CTNND1: variants seen among roughly 807,000 people sequenced by gnomAD.
The protein encoded by CTNND1 is catenin delta-1.
Under a neutral mutation model 112.1 loss-of-function variants are expected in CTNND1, and 16 were observed. That is an observed-to-expected ratio of 0.14 (90% CI 0.10 to 0.22). The LOEUF (loss-of-function observed/expected upper bound fraction) is 0.22, where lower values mean the gene tolerates loss of function less well. Among genes scored for constraint, CTNND1 ranks in the 10% least tolerant of loss-of-function variants. The probability of loss-of-function intolerance (pLI) is 1.00; values close to 1 mark genes in which losing one functional copy is unlikely to be tolerated. For synonymous variants in CTNND1, 420 were observed against 446.5 expected, an observed-to-expected ratio of 0.94 and a Z score of 0.75; for missense variants, 1,008 against 1,257.0, an observed-to-expected ratio of 0.80 and a Z score of 3.00.
intron 1 of CTNND1, among the ~76,000 whole-genome samples, chr11:57,773,273 A>G (rs373769410): frequency 1.3e-5 from 2 of 151,666 alleles, no homozygotes; most frequent in Non-Finnish European, 2.9e-5. Flanking sequence ...TGATCCTCCC[A>G]TCTCAGCCTC....
Position 57,816,358 on chromosome 11 carries a change from TG to T in CTNND1, c.*52del. The T allele has an allele frequency of 6.2e-7, 1 of 1,608,690 alleles. No homozygotes were observed. Among genetic ancestry groups the T allele is most frequent in the Non-Finnish European group, 8.5e-7 (1 of 1,175,662 alleles). On this transcript the variant is annotated 3_prime_UTR_variant, in exon 21 of 21. Coordinates refer to ENST00000399050, the MANE Select transcript of CTNND1 (RefSeq NM_001085458.2). ...GCTTATATGTACTTTTATTTTTTGGTGGTGAAATTGACTGATGATTTTCCTT... is the reference window on the plus strand; with the variant it reads ...GCTTATATGTACTTTTATTTTTTGGTGTGAAATTGACTGATGATTTTCCTT...
chr11:57,761,890 G>A lies in CTNND1; in HGVS notation c.-443G>A, dbSNP rs1565257642. 1 of 985,276 alleles carries A rather than the reference G, an allele frequency of 1.0e-6. No individual in the cohort carries two copies. Among genetic ancestry groups the A allele is most frequent in the Non-Finnish European group, 1.2e-6 (1 of 829,952 alleles). The allele number at this position is 985,276 out of a possible 1,614,324, so 61.0% of individuals were successfully genotyped here. ...TTGGATCTGAGGGGGAAAAAAAAGA[G>A]AGAGGGAGAGAGAGAGAAAGAAGAG... is the stretch of plus-strand genomic sequence containing the variant. On this transcript the variant is annotated 5_prime_UTR_variant, in exon 1 of 21. Transcript: ENST00000399050.
chr11:57,794,143 A>G (rs2061080440), intron 4 of CTNND1, 62 bp downstream of exon 4: 1 of 1,460,796 alleles, frequency 6.8e-7, no homozygotes, highest in Non-Finnish European at 9.6e-7. Flanking sequence ...CCCAGCCTAT[A>G]AGAGCATATT....
rs2060752003 is a variant in CTNND1, at chr11:57,791,591, C to T, written c.113C>T (p.Ser38Leu). The change falls in exon 3 of 21, where the codon TCG becomes TTG. Residue 38 changes from serine to leucine, a missense_variant. Coordinates refer to ENST00000399050, the MANE Select transcript of CTNND1 (RefSeq NM_001085458.2). The stretch of plus-strand genomic sequence containing the variant: ...CTGGAGGAGGAACGGCGCCACGTCT[C>T]GGCGCAGCTGGAACGCGTCCGGGTC... Reference protein sequence around the residue: ...RALEEERRHVSAQLERVRVSP... With the variant: ...RALEEERRHVLAQLERVRVSP... 5 of 1,611,438 alleles carry T rather than the reference C, an allele frequency of 3.1e-6. No individual in the cohort carries two copies. Among genetic ancestry groups the T allele is most frequent in the Non-Finnish European group, 3.4e-6 (4 of 1,178,912 alleles).
Position 57,801,925 on chromosome 11 carries a change from G to A in CTNND1, c.1149G>A (p.Lys383=). ...AMLGFRLDAV[K]SNAAAYLQHL... ...TTGGATTCCGCTTGGATGCTGTCAA[G>A]TCCAATGCAGCTGCATACCTGCAAC... The change falls in exon 7 of 21, where the codon AAG becomes AAA. Residue 383 remains lysine (K), a synonymous_variant. Coordinates refer to ENST00000399050, the MANE Select transcript of CTNND1 (RefSeq NM_001085458.2). 9.9e-6 allele frequency: 16 copies of A among 1,614,042 alleles called. No homozygotes were observed. The highest frequency in any genetic ancestry group is 1.4e-5 in the Non-Finnish European group (16 of 1,179,904).
At chr11:57,797,133 T>A in intron 6 of CTNND1, 141 bp downstream of exon 6, 1 of 550,692 alleles carries the variant, frequency 1.8e-6, no homozygotes, top group Non-Finnish European at 2.8e-6. Flanking sequence ...GGTGAAAAGC[T>A]ACCCTGTTTT....
intron 6 of CTNND1, among the ~76,000 whole-genome samples, chr11:57,798,751 GA>G (rs1208002888): frequency 6.6e-6 from 1 of 152,222 alleles, no homozygotes; most frequent in Non-Finnish European, 1.5e-5. Flanking sequence ...ACAGACCCCT[GA>G]AAATGACCAC....
intron 9 of CTNND1, 63 bp downstream of exon 9, chr11:57,804,843 G>A: frequency 1.7e-6 from 2 of 1,178,696 alleles, no homozygotes; most frequent in Non-Finnish European, 1.3e-6. Context: ...TGAAGTATCT[G>A]TAGGTCAGAG....
intron 1 of CTNND1, among the ~76,000 whole-genome samples, chr11:57,780,502 A>G (rs917045901): frequency 6.6e-6 from 1 of 152,236 alleles, no homozygotes; most frequent in African/African-American, 2.4e-5. Flanking sequence ...TACTTCTGGT[A>G]TATAGGTAGT....
At chr11:57,779,587 T>C (rs2059362199) in intron 1 of CTNND1, among the ~76,000 whole-genome samples, 1 of 152,236 alleles carries the variant, frequency 6.6e-6, no homozygotes, top group African/African-American at 2.4e-5. Context: ...GAACAATCCT[T>C]CTTCTCTGTT....
chr11:57,783,159 G>A (rs946375836), intron 1 of CTNND1, among the ~76,000 whole-genome samples: 3 of 152,278 alleles, frequency 2.0e-5, no homozygotes, highest in Non-Finnish European at 4.4e-5. Context: ...AGTGGCACAT[G>A]CCTATAGTCC....
intron 1 of CTNND1, among the ~76,000 whole-genome samples, chr11:57,765,005 A>G (rs1327006747): frequency 1.3e-5 from 2 of 152,222 alleles, no homozygotes; most frequent in Admixed American, 1.3e-4. Flanking sequence ...TAATCTTTAG[A>G]ACGAGAATCT....
At chr11:57,797,028 C>T (rs1486636289) in intron 6 of CTNND1, 36 bp downstream of exon 6, 2 of 1,414,646 alleles carry the variant, frequency 1.4e-6, no homozygotes, top group Non-Finnish European at 1.9e-6. Flanking sequence ...AGGGTCTTTC[C>T]AAGACCAGGG....
chr11:57,806,807 G>A, intron 11 of CTNND1, 108 bp from the exon 12 acceptor site: 1 of 922,434 alleles, frequency 1.1e-6, no homozygotes, highest in East Asian at 2.6e-5. Flanking sequence ...CCCTCGTGGT[G>A]CATCTGTGAT....
chr11:57,808,157 T>C lies in CTNND1; in HGVS notation c.1964-8T>C. 6.2e-7 allele frequency: 1 copy of C among 1,604,754 alleles called. No individual in the cohort carries two copies. Among genetic ancestry groups the C allele is most frequent in the Non-Finnish European group, 8.5e-7 (1 of 1,172,554 alleles). ...AGCACCCTCTGCTTCTATTTCTCTT[T>C]TGTGCAGGCTATGAGCTCTTATTTC... On this transcript the variant is annotated splice_region_variant and splice_polypyrimidine_tract_variant and intron_variant, in intron 12 of 20. Coordinates refer to ENST00000399050, the MANE Select transcript of CTNND1 (RefSeq NM_001085458.2).
rs536782823 is a variant in CTNND1, at chr11:57,789,280, T to A, written c.-95+125T>A. The A allele has an allele frequency of 4.9e-5, 30 of 616,970 alleles. No homozygotes were observed. The South Asian group carries it at 7.6e-4, about 16-fold the overall frequency. The allele number at this position is 616,970 out of a possible 1,614,324, so 38.2% of individuals were successfully genotyped here. ...AATACCTTTTTTCTTTATGGGTTGG[T>A]GAGAGGGTGGGAATTGGGGAGAATA... On this transcript the variant is annotated intron_variant, in intron 2 of 20. Transcript: ENST00000399050.
intron 1 of CTNND1, among the ~76,000 whole-genome samples, chr11:57,786,897 A>G (rs985877934): frequency 3.9e-5 from 6 of 152,202 alleles, no homozygotes; most frequent in Non-Finnish European, 7.3e-5. Flanking sequence ...CAAAGGTTGT[A>G]GAGGAGAGGC....
chr11:57,780,044 G>A (rs2059403800), intron 1 of CTNND1, among the ~76,000 whole-genome samples: 1 of 138,470 alleles, frequency 7.2e-6, no homozygotes, highest in African/African-American at 2.6e-5. Flanking sequence ...TTCTTAATTG[G>A]AACTAGAATG....
chr11:57,797,094 G>A, intron 6 of CTNND1, 102 bp downstream of exon 6: 2 of 1,039,148 alleles, frequency 1.9e-6, no homozygotes, highest in Non-Finnish European at 2.5e-6. Context: ...AGAGATACTC[G>A]TGGCCTCCTC....
Sources: gnomAD v4.1 joint callset for allele counts (sites outside exome capture counted in the v4.1 genomes callset) on GRCh38, gnomAD v4.1.1 for gene constraint, MANE v1.5 for transcripts, NCBI Gene and HGNC (gene_info 2026-07-23, HGNC 2026-07-21) for gene names.